The following ABCA13 variants were observed in gnomAD, a reference collection of about 807,000 sequenced individuals.
The protein encoded by ABCA13 is ATP binding cassette subfamily A member 13.
A neutral mutation model predicts 478.7 loss-of-function variants in ABCA13; 476 were observed. That is an observed-to-expected ratio of 0.99 (90% confidence interval 0.92 to 1.07). ABCA13 has a LOEUF of 1.07. Among genes scored for constraint, ABCA13 ranks in the 50% least tolerant of loss-of-function variants. The pLI is 0.00. For missense variants in ABCA13, 6,060 were observed against 5,910.6 expected (o/e 1.03, Z -0.83); for synonymous variants, 2,252 against 2,158.9 (o/e 1.04, Z -1.20).
In ABCA13 at chr7:48,278,778, G is replaced by A; in HGVS notation, c.7584G>A (p.Leu2528=). ...SMDSIVKLLK[L]VKKVSGKMST... is the part of the protein sequence containing the mutation. ...ACTCCATTGTGAAACTTCTTAAGCT[G>A]GTCAAGAAAGTTTCGGGGAAGATGT... is the stretch of plus-strand genomic sequence containing the variant. Residue 2528 remains leucine, a synonymous_variant, in exon 18 of 62, where the codon CTG becomes CTA. Transcript: ENST00000435803. The A allele has an allele frequency of 6.2e-7, 1 of 1,613,844 alleles. No homozygotes were observed. Among genetic ancestry groups the A allele is most frequent in the Non-Finnish European group, 8.5e-7 (1 of 1,179,868 alleles).
chr7:48,487,942 C>T (rs985845371), intron 47 of ABCA13, among the ~76,000 whole-genome samples: 4 of 152,192 alleles, frequency 2.6e-5, no homozygotes, highest in Non-Finnish European at 5.9e-5. Context: ...ATTTACCCTA[C>T]TTTGGAGAAT....
At chr7:48,500,889 TAGTCCTGTG>T in intron 48 of ABCA13, among the ~76,000 whole-genome samples, 1 of 152,184 alleles carries the variant, frequency 6.6e-6, no homozygotes, top group Non-Finnish European at 1.5e-5. Context: ...ACACAGGACA[TAGTCCTGTG>T]AGTGGGCTAT....
At chr7:48,621,185 C>G (rs1793092089) in intron 59 of ABCA13, among the ~76,000 whole-genome samples, 1 of 140,346 alleles carries the variant, frequency 7.1e-6, no homozygotes, top group Non-Finnish European at 1.6e-5. Context: ...ACTTCTCTGG[C>G]TTTTTCATTG....
intron 59 of ABCA13, among the ~76,000 whole-genome samples, chr7:48,615,761 A>T (rs1216166954): frequency 6.6e-6 from 1 of 152,188 alleles, no homozygotes; most frequent in Non-Finnish European, 1.5e-5. Flanking sequence ...ATCTGCAGTG[A>T]ATCAAAGTTC....
chr7:48,325,269 A>G (rs1457137803), intron 27 of ABCA13, among the ~76,000 whole-genome samples: 1 of 152,158 alleles, frequency 6.6e-6, no homozygotes, highest in Non-Finnish European at 1.5e-5. Context: ...GGTGCTAGGT[A>G]TATGAGCCAA....
At chr7:48,500,696 C>T (rs73694653) in intron 48 of ABCA13, among the ~76,000 whole-genome samples, 10,072 of 152,226 alleles carry the variant, frequency 0.066, 411 homozygotes, top group African/African-American at 0.11. Context: ...ATGGGTTTCA[C>T]CCTGCACCTC....
At chr7:48,543,094 A>T (rs1290146574) in intron 55 of ABCA13, among the ~76,000 whole-genome samples, 1 of 151,842 alleles carries the variant, frequency 6.6e-6, no homozygotes, top group East Asian at 1.9e-4. Context: ...AGAAAATTAG[A>T]AATAAGGCAA....
intron 3 of ABCA13, among the ~76,000 whole-genome samples, chr7:48,211,444 T>A (rs1377383334): frequency 6.6e-6 from 1 of 152,244 alleles, no homozygotes; most frequent in Non-Finnish European, 1.5e-5. Flanking sequence ...AGTTGAAGTC[T>A]CTTGCTCTCT....
chr7:48,366,955 G>C (rs759773177), intron 31 of ABCA13, among the ~76,000 whole-genome samples: 1 of 152,080 alleles, frequency 6.6e-6, no homozygotes, highest in African/African-American at 2.4e-5. Context: ...ACCTTTTTCT[G>C]TTTGGCTCAT....
intron 1 of ABCA13, among the ~76,000 whole-genome samples, chr7:48,190,099 T>C (rs894068623): frequency 3.3e-5 from 5 of 152,196 alleles, no homozygotes; most frequent in African/African-American, 1.2e-4. Context: ...CTAGGTGCTA[T>C]TGAGAGTGCA....
chr7:48,632,951 A>C (rs1350548823), intron 59 of ABCA13, among the ~76,000 whole-genome samples: 2 of 152,230 alleles, frequency 1.3e-5, no homozygotes, highest in Non-Finnish European at 2.9e-5. Context: ...CTTAAATGTA[A>C]ATGCTAAAAC....
Position 48,272,017 on chromosome 7 carries a change from A to G in ABCA13, c.2351A>G (p.Asp784Gly), listed in dbSNP as rs764864232. The change falls in exon 17 of 62, where the codon GAC becomes GGC. Residue 784 changes from aspartate to glycine, a missense_variant. Physicochemically the swap from Asp to Gly is moderately conservative, Grantham distance 94. Transcript: ENST00000435803. The stretch of plus-strand genomic sequence containing the variant: ...AATCATTTAAAAAGTTTAAAGAGAG[A>G]CCCATCTGCCACTGATGCTCAGAAA... ...WTNHLKSLKR[D>G]PSATDAQKLL... 1.7e-5 allele frequency: 27 copies of G among 1,613,414 alleles called. No homozygotes were observed. In the South Asian group the frequency reaches 2.6e-4, roughly 16 times the overall value.
At position 48,481,021 on chromosome 7, in the gene ABCA13, T is replaced by G. The variant is rs774952601; in HGVS notation, c.12976-15T>G. Reference sequence around the variant, plus strand: ...ATAAAAAAGTTTGTTTTTATCTTTTTGAAAACAATTTCAGAAGTGTCCAAA... The same window carrying G: ...ATAAAAAAGTTTGTTTTTATCTTTTGGAAAACAATTTCAGAAGTGTCCAAA... On this transcript the variant is annotated splice_polypyrimidine_tract_variant and intron_variant, in intron 45 of 61. Transcript: ENST00000435803. 25 of 1,547,486 alleles carry G rather than the reference T, an allele frequency of 1.6e-5. No individual in the cohort carries two copies. The highest frequency in any genetic ancestry group is 9.6e-5 in the Admixed American group (5 of 52,078).
At chr7:48,449,232 C>G (rs1824690528) in intron 42 of ABCA13, among the ~76,000 whole-genome samples, 1 of 152,156 alleles carries the variant, frequency 6.6e-6, no homozygotes, top group Admixed American at 6.5e-5. Context: ...CAAAAACATT[C>G]TTTTATTTTC....
Position 48,227,383 on chromosome 7 carries a change from A to T in ABCA13, c.590A>T (p.Asp197Val), listed in dbSNP as rs748209077. The T allele has an allele frequency of 1.2e-6, 2 of 1,613,924 alleles. No homozygotes were observed. Among genetic ancestry groups the T allele is most frequent in the Admixed American group, 3.3e-5 (2 of 60,014 alleles). Residue 197 changes from aspartate (D) to valine (V), a missense_variant, in exon 6 of 62, where the codon GAT becomes GTT. Coordinates refer to ENST00000435803, the MANE Select transcript of ABCA13 (RefSeq NM_152701.5). The part of the protein sequence containing the change: ...RLHTSHDHVE[D>V]GMDVAVNLLQ... The stretch of plus-strand genomic sequence containing the variant: ...CACACAAGCCATGATCATGTGGAAG[A>T]TGGCATGGATGTTGCAGTGAACCTT...
chr7:48,428,958 T>C (rs1821783666), intron 42 of ABCA13, among the ~76,000 whole-genome samples: 1 of 152,192 alleles, frequency 6.6e-6, no homozygotes, highest in Non-Finnish European at 1.5e-5. Context: ...TCCCCATCTC[T>C]TCAGCCATAG....
chr7:48,416,785 C>T (rs1305869533), intron 41 of ABCA13, among the ~76,000 whole-genome samples: 1 of 152,012 alleles, frequency 6.6e-6, no homozygotes. Flanking sequence ...CCCACCTGCC[C>T]CAGACCCATG....
At chr7:48,595,050 G>T (rs1364063122) in intron 58 of ABCA13, among the ~76,000 whole-genome samples, 1 of 152,196 alleles carries the variant, frequency 6.6e-6, no homozygotes, top group Non-Finnish European at 1.5e-5. Flanking sequence ...TTTGAACCTA[G>T]TGTTCTGTGT....
chr7:48,455,239 C>T lies in ABCA13; in HGVS notation c.12768C>T (p.Leu4256=). The change falls in exon 43 of 62, where the codon CTC becomes CTT. Residue 4256 remains leucine, a synonymous_variant. Transcript: ENST00000435803. The part of the protein sequence containing the change: ...VRPLATEYPP[L]RLTPGHYQRA... ...CCCTGGCCACCGAGTACCCTCCCCT[C>T]AGACTCACACCTGGACATTACCAGC... 1 of 1,605,570 alleles carries T rather than the reference C, an allele frequency of 6.2e-7. No homozygotes were observed. The highest frequency in any genetic ancestry group is 8.5e-7 in the Non-Finnish European group (1 of 1,176,346).
Sources: gnomAD v4.1 joint callset for allele counts (sites outside exome capture counted in the v4.1 genomes callset) on GRCh38, gnomAD v4.1.1 for gene constraint, MANE v1.5 for transcripts, NCBI Gene and HGNC (gene_info 2026-07-23, HGNC 2026-07-21) for gene names.